TBC1D10A: variants seen among roughly 807,000 people sequenced by gnomAD.
The protein encoded by TBC1D10A is TBC1 domain family member 10A.
A neutral mutation model predicts 52.9 loss-of-function variants in TBC1D10A; 24 were observed. The ratio of observed to expected loss-of-function variants is 0.45; its 90% CI spans 0.33 to 0.64. The LOEUF (loss-of-function observed/expected upper bound fraction) is 0.64, where lower values mean the gene tolerates loss of function less well. Among genes scored for constraint, TBC1D10A ranks in the 30% least tolerant of loss-of-function variants. The probability of loss-of-function intolerance (pLI) is 0.02; values close to 1 mark genes in which losing one functional copy is unlikely to be tolerated. For missense variants in TBC1D10A, 602 were observed against 687.9 expected (o/e 0.88, Z 1.40); for synonymous variants, 278 against 282.9 (o/e 0.98, Z 0.17).
intron 2 of TBC1D10A, among the ~76,000 whole-genome samples, chr22:30,304,211 C>T (rs1930264464): frequency 6.6e-6 from 1 of 152,194 alleles, no homozygotes. Context: ...GTAAAGTCCT[C>T]CTTGATAGTT....
chr22:30,316,994 G>A (rs2145782421), intron 1 of TBC1D10A, among the ~76,000 whole-genome samples: 1 of 152,060 alleles, frequency 6.6e-6, no homozygotes, highest in South Asian at 2.1e-4. Flanking sequence ...AGCTGTGATT[G>A]CACCACTGCA....
chr22:30,314,842 C>CA (rs1365415360), intron 1 of TBC1D10A, among the ~76,000 whole-genome samples: 2 of 149,698 alleles, frequency 1.3e-5, no homozygotes, highest in Non-Finnish European at 3.0e-5. Flanking sequence ...CAAAAAAACA[C>CA]AAAAAACCCA....
At chr22:30,300,717 G>C (rs567428989) in intron 2 of TBC1D10A, 3 of 152,248 alleles carry the variant, frequency 2.0e-5, no homozygotes, top group African/African-American at 7.2e-5. Context: ...TGCTCAAATG[G>C]CTCCCTCTTT....
intron 1 of TBC1D10A, 52 bp downstream of exon 1, chr22:30,326,621 G>T (rs753076805): frequency 1.3e-6 from 2 of 1,533,648 alleles, no homozygotes; most frequent in Admixed American, 3.7e-5. Flanking sequence ...CGTCCGTGTC[G>T]AGGCCCCTCG....
At chr22:30,295,665 C>T in intron 4 of TBC1D10A, 72 bp downstream of exon 4, 2 of 1,488,596 alleles carry the variant, frequency 1.3e-6, no homozygotes, top group South Asian at 1.1e-5. Flanking sequence ...CCTGAACTCA[C>T]TGTACCTCCT....
At chr22:30,295,109 G>C (rs959291852) in intron 4 of TBC1D10A, 54 bp from the exon 5 acceptor site, 2 of 1,566,102 alleles carry the variant, frequency 1.3e-6, no homozygotes, top group African/African-American at 2.7e-5. Flanking sequence ...GCTACCCACG[G>C]CCTTCACCTA....
At chr22:30,300,832 C>G (rs1372260694) in intron 2 of TBC1D10A, among the ~76,000 whole-genome samples, 1 of 152,216 alleles carries the variant, frequency 6.6e-6, no homozygotes, top group Admixed American at 6.5e-5. Context: ...GATCTCAGCC[C>G]TTGCTAAAAT....
At chr22:30,307,172 T>C (rs1930325409) in intron 1 of TBC1D10A, among the ~76,000 whole-genome samples, 1 of 152,174 alleles carries the variant, frequency 6.6e-6, no homozygotes, top group Non-Finnish European at 1.5e-5. Flanking sequence ...GGCTTCCTCC[T>C]GACAGTGGAG....
intron 8 of TBC1D10A, chr22:30,293,359 T>C (rs1466842469): frequency 3.0e-6 from 2 of 666,870 alleles, no homozygotes; most frequent in Admixed American, 2.1e-5. Context: ...CAAAGAGAAA[T>C]AAGAGCCAAG....
At chr22:30,312,563 A>G (rs1002600136) in intron 1 of TBC1D10A, among the ~76,000 whole-genome samples, 1 of 152,186 alleles carries the variant, frequency 6.6e-6, no homozygotes, top group African/African-American at 2.4e-5. Flanking sequence ...AACAAAGAAC[A>G]ATAACAACAA....
Position 30,310,931 on chromosome 22 carries a change from C to A in TBC1D10A, c.210-6301G>T, listed in dbSNP as rs1323424048. 3.9e-5 allele frequency among the ~76,000 whole-genome samples: 6 copies of A among 152,276 alleles called. 1 individual carries two copies. Among genetic ancestry groups the A allele is most frequent in the Admixed American group, 1.3e-4 (2 of 15,300 alleles). On this transcript the variant is annotated intron_variant, in intron 1 of 8. Transcript: ENST00000215790. ...GCAGGGGTGAATAACGTGAAAAAAA[C>A]CCCTCACACTTGGGTCTCCAGGATG... is the stretch of plus-strand genomic sequence containing the variant.
rs768993758 is a variant in TBC1D10A, at chr22:30,326,852, C to G, written c.30G>C (p.Pro10=). The part of the protein sequence containing the change: MAKSNGENG[P]RAPAAGESLS... ...GGCTTTCCCCGGCCGCGGGCGCGCGCGGCCCATTCTCTCCGTTGCTCTTCG... is the reference window on the plus strand; with the variant it reads ...GGCTTTCCCCGGCCGCGGGCGCGCGGGGCCCATTCTCTCCGTTGCTCTTCG... The change falls in exon 1 of 9, where the codon CCG becomes CCC. Residue 10 remains proline, a synonymous_variant. Coordinates refer to ENST00000215790, the MANE Select transcript of TBC1D10A (RefSeq NM_031937.3). 2.0e-6 allele frequency: 3 copies of G among 1,485,492 alleles called. No homozygotes were observed. Among genetic ancestry groups the G allele is most frequent in the Non-Finnish European group, 2.7e-6 (3 of 1,126,286 alleles). The allele number at this position is 1,485,492 out of a possible 1,614,324, so 92.0% of individuals were successfully genotyped here. A position where few individuals can be genotyped will look rare whatever the true frequency, so the allele number is the denominator to read the frequency against.
chr22:30,326,592 C>T lies in TBC1D10A; in HGVS notation c.209+81G>A, dbSNP rs1050822418. 7.3e-6 allele frequency: 10 copies of T among 1,376,968 alleles called. No individual in the cohort carries two copies. The African/African-American group carries it at 1.4e-4, about 19-fold the overall frequency. The allele number at this position is 1,376,968 out of a possible 1,614,324, so 85.3% of individuals were successfully genotyped here. A position where few individuals can be genotyped will look rare whatever the true frequency, so the allele number is the denominator to read the frequency against. ...CCTGCCTGGGAGGGGGACGTGTCGG[C>T]AAGTCCCGAGGGCGCCTCCGTCCGT... On this transcript the variant is annotated intron_variant, in intron 1 of 8. Coordinates refer to ENST00000215790, the MANE Select transcript of TBC1D10A (RefSeq NM_031937.3).
rs1344722089 is a variant in TBC1D10A at position 30,292,269 on chromosome 22, G to A, written c.*106C>T. The A allele has an allele frequency of 1.7e-5, 18 of 1,036,030 alleles. No homozygotes were observed. The highest frequency in any genetic ancestry group is 2.2e-5 in the Non-Finnish European group (16 of 720,572). 64.2% of individuals were successfully genotyped at this position (1,036,030 alleles called of 1,614,324 possible). A position where few individuals can be genotyped will look rare whatever the true frequency, so the allele number is the denominator to read the frequency against. On this transcript the variant is annotated 3_prime_UTR_variant, in exon 9 of 9. Transcript: ENST00000215790. ...ACCAGCCAGACTCCAGCCCAGCCCA[G>A]TGGCCAGGCAGCTTGGCCCTCAGAG...
chr22:30,320,894 C>G (rs1421635562), intron 1 of TBC1D10A, among the ~76,000 whole-genome samples: 2 of 152,220 alleles, frequency 1.3e-5, no homozygotes, highest in Non-Finnish European at 2.9e-5. Flanking sequence ...GATCACACAG[C>G]CAGCCAGATT....
chr22:30,294,937 G>A lies in TBC1D10A; in HGVS notation c.639+4C>T, dbSNP rs745777294. The A allele has an allele frequency of 3.7e-6, 6 of 1,613,848 alleles. No homozygotes were observed. The highest frequency in any genetic ancestry group is 5.1e-6 in the Non-Finnish European group (6 of 1,180,008). On this transcript the variant is annotated splice_donor_region_variant and intron_variant, in intron 5 of 8. Coordinates refer to ENST00000215790, the MANE Select transcript of TBC1D10A (RefSeq NM_031937.3). ...CCCCCTGCCTGCCCGGGGCCTGGTG[G>A]TACCTCAGCAGGCATATGCATGAGC...
chr22:30,315,047 G>A (rs1930506942), intron 1 of TBC1D10A, among the ~76,000 whole-genome samples: 1 of 152,146 alleles, frequency 6.6e-6, no homozygotes, highest in African/African-American at 2.4e-5. Context: ...GGAAGGTCAG[G>A]CCCTCAGATC....
intron 3 of TBC1D10A, chr22:30,296,140 A>T (rs1930076073): frequency 2.8e-6 from 1 of 357,708 alleles, no homozygotes; most frequent in South Asian, 3.3e-5. Context: ...TAGACATTTC[A>T]TTCGGGAGTC....
chr22:30,317,236 T>C (rs1432997901), intron 1 of TBC1D10A, among the ~76,000 whole-genome samples: 2 of 152,036 alleles, frequency 1.3e-5, no homozygotes, highest in South Asian at 4.2e-4. Flanking sequence ...GGCAAAACCC[T>C]GTCTCTACTA....
Sources: gnomAD v4.1 joint callset for allele counts (sites outside exome capture counted in the v4.1 genomes callset) on GRCh38, gnomAD v4.1.1 for gene constraint, MANE v1.5 for transcripts, NCBI Gene and HGNC (gene_info 2026-07-23, HGNC 2026-07-21) for gene names.